The following VPS13D variants were observed in gnomAD, a reference collection of about 807,000 sequenced individuals.
VPS13D encodes vacuolar protein sorting 13 homolog D.
VPS13D carries 187 observed loss-of-function variants against 461.9 expected under a neutral mutation model. That is an observed-to-expected ratio of 0.40 (90% CI 0.36 to 0.46). VPS13D has a LOEUF of 0.46. VPS13D is among the 20% of genes least tolerant of loss of function. VPS13D has a pLI of 0.60. For missense variants in VPS13D, 4,711 were observed against 5,364.9 expected, an observed-to-expected ratio of 0.88 and a Z score of 3.81; for synonymous variants, 1,951 against 1,986.3, an observed-to-expected ratio of 0.98 and a Z score of 0.47.
At chr1:12,477,218 C>T (rs1645643933) in intron 67 of VPS13D, among the ~76,000 whole-genome samples, 1 of 152,096 alleles carries the variant, frequency 6.6e-6, no homozygotes, top group South Asian at 2.1e-4. Context: ...ATTTTTCCCA[C>T]CTGCTCCTCT....
intron 67 of VPS13D, among the ~76,000 whole-genome samples, chr1:12,474,240 C>T (rs984924883): frequency 1.3e-5 from 2 of 152,148 alleles, no homozygotes; most frequent in South Asian, 2.1e-4. Flanking sequence ...TTCAGGCCAC[C>T]GTGGCTCATC....
intron 62 of VPS13D, chr1:12,402,745 A>G (rs1301549074): frequency 6.6e-6 from 1 of 152,188 alleles, no homozygotes; most frequent in Non-Finnish European, 1.5e-5. Context: ...GTTTTACTTT[A>G]AATTTGATTC....
intron 20 of VPS13D, among the ~76,000 whole-genome samples, chr1:12,280,383 C>T (rs777482940): frequency 6.6e-6 from 1 of 152,120 alleles, no homozygotes; most frequent in African/African-American, 2.4e-5. Context: ...GAGAGAACTA[C>T]TCCAAAGCTT....
At chr1:12,462,781 C>G (rs1190837435) in intron 67 of VPS13D, among the ~76,000 whole-genome samples, 3 of 152,216 alleles carry the variant, frequency 2.0e-5, no homozygotes, top group African/African-American at 7.2e-5. Flanking sequence ...TGATTCAGGT[C>G]TTGACCAACA....
chr1:12,255,530 A>G (rs1640892020), intron 7 of VPS13D, among the ~76,000 whole-genome samples: 1 of 152,074 alleles, frequency 6.6e-6, no homozygotes, highest in Non-Finnish European at 1.5e-5. Flanking sequence ...GGGGGATGAG[A>G]CTAGGAAAGA....
At chr1:12,270,160 G>A (rs1429084710) in intron 16 of VPS13D, among the ~76,000 whole-genome samples, 1 of 150,552 alleles carries the variant, frequency 6.6e-6, no homozygotes, top group Non-Finnish European at 1.5e-5. Flanking sequence ...GTCTTAAAAA[G>A]AAAGAATATA....
In VPS13D at chr1:12,308,541, G is replaced by C. The variant is rs770278923; in HGVS notation, c.6550G>C (p.Gly2184Arg). ...CTCGAAGGCACCAGAGGATAGTAGT[G>C]GAGATCTGATCTTCCCTTCCTATTT... is the stretch of plus-strand genomic sequence containing the variant. ...EYSKAPEDSS[G>R]DLIFPSYFVR... The change falls in exon 27 of 70, where the codon GGA (glycine) becomes CGA (arginine). Residue 2184 changes from glycine to arginine, a missense_variant. Transcript: ENST00000620676. 6.2e-7 allele frequency: 1 copy of C among 1,614,084 alleles called. No homozygotes were observed.
chr1:12,450,700 T>C (rs1010337634), intron 65 of VPS13D, among the ~76,000 whole-genome samples: 7 of 152,234 alleles, frequency 4.6e-5, no homozygotes, highest in Non-Finnish European at 1.0e-4. Flanking sequence ...CTAATGTAAG[T>C]GTTCCGGGCA....
chr1:12,369,360 A>T lies in VPS13D; in HGVS notation c.10573-107A>T, dbSNP rs539091188. The T allele has an allele frequency of 1.8e-5, 17 of 948,078 alleles. No homozygotes were observed. In the South Asian group the frequency reaches 2.0e-4, roughly 11 times the overall value. The allele number at this position is 948,078 out of a possible 1,614,324, so 58.7% of individuals were successfully genotyped here. On this transcript the variant is annotated intron_variant, in intron 53 of 69. Transcript: ENST00000620676. ...CACTGGGGCTTATTTCCTGTGTAAGATTCATTTAGGAAGGATTTGGAACTT... is the reference window on the plus strand; with the variant it reads ...CACTGGGGCTTATTTCCTGTGTAAGTTTCATTTAGGAAGGATTTGGAACTT...
At chr1:12,389,016 C>G (rs1275166345) in intron 60 of VPS13D, among the ~76,000 whole-genome samples, 2 of 152,246 alleles carry the variant, frequency 1.3e-5, no homozygotes, top group East Asian at 3.9e-4. Flanking sequence ...CTTACATGAT[C>G]ACAAGTTCCC....
At chr1:12,454,586 T>G (rs2100393131) in intron 65 of VPS13D, among the ~76,000 whole-genome samples, 1 of 152,360 alleles carries the variant, frequency 6.6e-6, no homozygotes, top group African/African-American at 2.4e-5. Flanking sequence ...TACATGGAAT[T>G]GCTGCTGTGT....
At chr1:12,351,645 G>C (rs552993350) in intron 46 of VPS13D, among the ~76,000 whole-genome samples, 5 of 150,602 alleles carry the variant, frequency 3.3e-5, no homozygotes, top group African/African-American at 1.2e-4. Flanking sequence ...AGGCTGCAGT[G>C]CAATGGTGTG....
chr1:12,325,537 C>T (rs1259572717), intron 35 of VPS13D, among the ~76,000 whole-genome samples: 2 of 152,142 alleles, frequency 1.3e-5, no homozygotes, highest in African/African-American at 2.4e-5. Flanking sequence ...AGATTACAGG[C>T]GTGAGCCACT....
In VPS13D at chr1:12,338,235, C is replaced by T. The variant is rs759578953; in HGVS notation, c.8556C>T (p.Leu2852=). The T allele has an allele frequency of 1.9e-6, 3 of 1,613,424 alleles. No individual in the cohort carries two copies. Among genetic ancestry groups the T allele is most frequent in the Non-Finnish European group, 2.5e-6 (3 of 1,179,554 alleles). ...TTTGTCTCTCCTGTCTACCAGGCCT[C>T]CCCCTTGTCTACCTTAGAACTAGGA... is the stretch of plus-strand genomic sequence containing the variant. ...SVDPPCFGQS[L]PLVYLRTRST... is the part of the protein sequence containing the mutation. The change falls in exon 40 of 70, where the codon CTC becomes CTT. Residue 2852 remains leucine, a synonymous_variant. Coordinates refer to ENST00000620676, the MANE Select transcript of VPS13D (RefSeq NM_015378.4).
intron 66 of VPS13D, among the ~76,000 whole-genome samples, chr1:12,459,268 C>T (rs550996979): frequency 6.6e-6 from 1 of 152,246 alleles, no homozygotes; most frequent in African/African-American, 2.4e-5. Flanking sequence ...ATGTGGGCAT[C>T]GTATTAGCTA....
In VPS13D at chr1:12,341,906, AC is replaced by A. The variant is rs780380489; in HGVS notation, c.8732+25del. 27 of 1,609,866 alleles carry A rather than the reference AC, an allele frequency of 1.7e-5. 1 individual carries two copies. The East Asian group carries it at 5.6e-4, about 33-fold the overall frequency. On this transcript the variant is annotated intron_variant, in intron 41 of 69. Coordinates refer to ENST00000620676, the MANE Select transcript of VPS13D (RefSeq NM_015378.4). ...ACCAGGTAAGCAGTCAGTTTATATT[AC>A]CCCGAGTCATCTCTGCCACCAAAGC...
chr1:12,302,637 C>T (rs1265727739), intron 25 of VPS13D, among the ~76,000 whole-genome samples: 1 of 152,116 alleles, frequency 6.6e-6, no homozygotes, highest in Non-Finnish European at 1.5e-5. Context: ...TTTTTTGCAA[C>T]CTGACTATTC....
rs906174964 is a variant in VPS13D at position 12,409,605 on chromosome 1, G to A, written c.12031-5482G>A. Reference sequence around the variant, plus strand: ...TTCCAAGTGAATCAGAGATTTACTGGTAATATTAGCATGAAAAAGTGTTTT... The same window carrying A: ...TTCCAAGTGAATCAGAGATTTACTGATAATATTAGCATGAAAAAGTGTTTT... On this transcript the variant is annotated intron_variant, in intron 63 of 69. Transcript: ENST00000620676. 3.9e-5 allele frequency among the ~76,000 whole-genome samples: 6 copies of A among 152,154 alleles called. No individual in the cohort carries two copies. The East Asian group carries it at 1.2e-3, about 29-fold the overall frequency.
chr1:12,386,199 A>G lies in VPS13D; in HGVS notation c.11499A>G (p.Leu3833=), dbSNP rs751473698. The change falls in exon 60 of 70, where the codon TTA becomes TTG. Residue 3833 remains leucine (L), a synonymous_variant. Transcript: ENST00000620676. The part of the protein sequence containing the change: ...TEQELEVLVR[L]EGGIGLSLIN... ...TTTCCTTTCAGGTGCTTGTGAGGTTAGAAGGTGGAATTGGGTTGTCCTTAA... is the reference window on the plus strand; with the variant it reads ...TTTCCTTTCAGGTGCTTGTGAGGTTGGAAGGTGGAATTGGGTTGTCCTTAA... 30 of 1,611,710 alleles carry G rather than the reference A, an allele frequency of 1.9e-5. No homozygotes were observed. The African/African-American group carries it at 3.9e-4, about 21-fold the overall frequency.
Sources: allele counts gnomAD v4.1 joint callset (sites outside exome capture counted in the v4.1 genomes callset), GRCh38; gene constraint gnomAD v4.1.1; transcripts MANE v1.5; gene names NCBI Gene and HGNC (gene_info 2026-07-23, HGNC 2026-07-21).